Variants in PLCH1 observed in about 807,000 individuals in gnomAD.
PLCH1 encodes 1-phosphatidylinositol 4,5-bisphosphate phosphodiesterase eta-1.
In PLCH1, 60 loss-of-function variants were observed where a neutral mutation model predicts 126.7. The observed-to-expected ratio is 0.47, with a 90% CI of 0.38 to 0.59. PLCH1 has a LOEUF of 0.59. PLCH1 is among the 20% of genes least tolerant of loss of function. The pLI is 0.00. For synonymous variants in PLCH1, 719 were observed against 734.9 expected (o/e 0.98, Z 0.35); for missense variants, 1,723 against 2,040.0 (o/e 0.84, Z 2.99).
At chr3:155,735,007 C>T (rs1030605386) in intron 1 of PLCH1, among the ~76,000 whole-genome samples, 1 of 152,106 alleles carries the variant, frequency 6.6e-6, no homozygotes, top group Admixed American at 6.5e-5. Flanking sequence ...CCGCGCCCAG[C>T]CTATACACAG....
chr3:155,659,296 T>G (rs984735502), intron 2 of PLCH1, among the ~76,000 whole-genome samples: 1 of 134,140 alleles, frequency 7.5e-6, no homozygotes, highest in African/African-American at 2.7e-5. Flanking sequence ...AGATGTCTAT[T>G]CACTTCTTTT....
intron 20 of PLCH1, 121 bp downstream of exon 20, chr3:155,488,539 C>T: frequency 2.2e-6 from 2 of 918,466 alleles, no homozygotes; most frequent in Non-Finnish European, 3.2e-6. Flanking sequence ...TTAAAAGTCA[C>T]ATTTATTACA....
At chr3:155,737,562 C>T (rs1749292140) in intron 1 of PLCH1, among the ~76,000 whole-genome samples, 1 of 152,064 alleles carries the variant, frequency 6.6e-6, no homozygotes, top group Admixed American at 6.6e-5. Context: ...ATTAAAAAAT[C>T]AGAGGGTCTT....
At chr3:155,676,407 A>C in intron 2 of PLCH1, 3 of 1,004,798 alleles carry the variant, frequency 3.0e-6, no homozygotes, top group Non-Finnish European at 3.6e-6. Context: ...TAAAGCCCTC[A>C]AGGCATTATG....
chr3:155,650,094 C>A (rs1012595959), intron 2 of PLCH1, among the ~76,000 whole-genome samples: 1 of 151,950 alleles, frequency 6.6e-6, no homozygotes. Flanking sequence ...CCACAAACAG[C>A]CCCCCCAAAC....
intron 2 of PLCH1, among the ~76,000 whole-genome samples, chr3:155,630,903 G>A (rs1158787257): frequency 1.3e-5 from 2 of 152,100 alleles, no homozygotes; most frequent in Non-Finnish European, 2.9e-5. Context: ...CTAAAAAAGA[G>A]ACTTGAAAAT....
intron 10 of PLCH1, among the ~76,000 whole-genome samples, chr3:155,537,202 CA>C (rs535908017): frequency 1.8e-3 from 19 of 10,464 alleles, no homozygotes; most frequent in South Asian, 0.015. Context: ...AAAAAAAAAC[CA>C]AAAAAAAAAA....
chr3:155,595,539 C>T (rs551757497), intron 3 of PLCH1, among the ~76,000 whole-genome samples: 2 of 152,244 alleles, frequency 1.3e-5, no homozygotes, highest in Admixed American at 1.3e-4. Context: ...AGGCCTTCAA[C>T]CTTGGACTTG....
intron 7 of PLCH1, among the ~76,000 whole-genome samples, chr3:155,566,029 C>T (rs1362434915): frequency 6.7e-6 from 1 of 148,202 alleles, no homozygotes; most frequent in African/African-American, 2.5e-5. Flanking sequence ...CAAGAACAGC[C>T]TAATACAGTC....
rs757011252 is a variant in PLCH1 at position 155,586,205 on chromosome 3, G to T, written c.471-11C>A. On this transcript the variant is annotated splice_polypyrimidine_tract_variant and intron_variant, in intron 4 of 22. Coordinates refer to ENST00000460012, the MANE Select transcript of PLCH1 (RefSeq NM_014996.4). ...GTCTGCTTCACCCATGTGCAGAAAG[G>T]TCAAAGAAAACACCTGTGCTCTCAT... 3.1e-6 allele frequency: 5 copies of T among 1,613,922 alleles called. No individual in the cohort carries two copies. The highest frequency in any genetic ancestry group is 3.4e-6 in the Non-Finnish European group (4 of 1,179,876).
intron 2 of PLCH1, among the ~76,000 whole-genome samples, chr3:155,692,776 GA>G (rs1273391051): frequency 7.0e-6 from 1 of 142,376 alleles, no homozygotes; most frequent in Non-Finnish European, 1.5e-5. Context: ...TTTTTTTTTT[GA>G]GATGAGTCTC....
chr3:155,715,562 C>T (rs1197959005), intron 1 of PLCH1, among the ~76,000 whole-genome samples: 1 of 151,774 alleles, frequency 6.6e-6, no homozygotes, highest in Admixed American at 6.6e-5. Flanking sequence ...GCCTCAGCCT[C>T]CCAAAGTGCT....
chr3:155,551,727 A>G (rs1726176109), intron 9 of PLCH1, among the ~76,000 whole-genome samples: 1 of 150,742 alleles, frequency 6.6e-6, no homozygotes, highest in Non-Finnish European at 1.5e-5. Flanking sequence ...ACACAATGTC[A>G]TTAGTGCCAA....
In PLCH1 at chr3:155,472,113, C is replaced by T. The variant is rs528823740; in HGVS notation, c.2938+13243G>A. 1.5e-3 allele frequency among the ~76,000 whole-genome samples: 234 copies of T among 152,144 alleles called. 1 individual carries two copies. The highest frequency in any genetic ancestry group is 5.3e-3 in the African/African-American group (222 of 41,516). On this transcript the variant is annotated intron_variant, in intron 21 of 21. Coordinates refer to the PLCH1 transcript ENST00000494598. Reference sequence around the variant, plus strand: ...TGAAGGAAATAGAGACACAAAAAACCCTTCGAAAAATTAATGAATCCAGGA... The same window carrying T: ...TGAAGGAAATAGAGACACAAAAAACTCTTCGAAAAATTAATGAATCCAGGA...
At chr3:155,723,745 G>T (rs1748117585) in intron 1 of PLCH1, among the ~76,000 whole-genome samples, 1 of 152,010 alleles carries the variant, frequency 6.6e-6, no homozygotes, top group Non-Finnish European at 1.5e-5. Context: ...CACAAGGTCA[G>T]GAGTTTGAGA....
chr3:155,605,897 T>C (rs1280841335), intron 2 of PLCH1, among the ~76,000 whole-genome samples: 3 of 152,088 alleles, frequency 2.0e-5, no homozygotes, highest in Non-Finnish European at 4.4e-5. Flanking sequence ...AGACACCTCA[T>C]GTATCTGTGG....
At chr3:155,710,845 A>C (rs1019411762) in intron 1 of PLCH1, among the ~76,000 whole-genome samples, 2 of 152,004 alleles carry the variant, frequency 1.3e-5, no homozygotes, top group African/African-American at 2.4e-5. Flanking sequence ...AAAAAAAAAA[A>C]AAAACTAGTT....
chr3:155,654,886 G>A (rs1741173526), intron 2 of PLCH1, among the ~76,000 whole-genome samples: 1 of 152,064 alleles, frequency 6.6e-6, no homozygotes, highest in African/African-American at 2.4e-5. Flanking sequence ...AAATCCCATG[G>A]TCTGACCACT....
At chr3:155,596,184 G>A (rs755657048) in intron 3 of PLCH1, 48 bp downstream of exon 3, 26 of 1,460,090 alleles carry the variant, frequency 1.8e-5, no homozygotes, top group Middle Eastern at 3.5e-4. Context: ...AGTATAACCC[G>A]TGTGTTACTA....
Sources: allele counts gnomAD v4.1 joint callset (sites outside exome capture counted in the v4.1 genomes callset), GRCh38; gene constraint gnomAD v4.1.1; transcripts MANE v1.5; gene names NCBI Gene and HGNC (gene_info 2026-07-23, HGNC 2026-07-21).